Variants in PHACTR1 observed in about 807,000 individuals in gnomAD.
The protein encoded by PHACTR1 is phosphatase and actin regulator 1.
A neutral mutation model predicts 69.2 loss-of-function variants in PHACTR1; 16 were observed. The ratio of observed to expected loss-of-function variants is 0.23; its 90% confidence interval spans 0.16 to 0.35. The LOEUF (loss-of-function observed/expected upper bound fraction) is 0.35, where lower values mean the gene tolerates loss of function less well. Among genes scored for constraint, PHACTR1 ranks in the 10% least tolerant of loss-of-function variants. The probability of loss-of-function intolerance (pLI) is 1.00; values close to 1 mark genes in which losing one functional copy is unlikely to be tolerated. For missense variants in PHACTR1, 510 were observed against 734.7 expected, an observed-to-expected ratio of 0.69 and a Z score of 3.54; for synonymous variants, 312 against 284.5, an observed-to-expected ratio of 1.10 and a Z score of -0.97.
chr6:12,717,237 C>G (rs895533478), intron 1 of PHACTR1, among the ~76,000 whole-genome samples: 27 of 152,050 alleles, frequency 1.8e-4, no homozygotes, highest in African/African-American at 6.0e-4. Flanking sequence ...ACTGGTGCCC[C>G]CACAAAAATT....
intron 3 of PHACTR1, among the ~76,000 whole-genome samples, chr6:12,742,028 G>A (rs1197049665): frequency 1.3e-5 from 2 of 151,930 alleles, no homozygotes; most frequent in Non-Finnish European, 2.9e-5. Context: ...ATTATAAATG[G>A]TACTTTAAAT....
intron 4 of PHACTR1, among the ~76,000 whole-genome samples, chr6:12,906,839 T>C (rs1785787703): frequency 6.6e-6 from 1 of 152,304 alleles, no homozygotes; most frequent in Admixed American, 6.5e-5. Context: ...TCTGGATCAA[T>C]GATTACATTT....
chr6:13,013,751 A>ACCCGC (rs1438696610), intron 4 of PHACTR1, among the ~76,000 whole-genome samples: 4 of 148,774 alleles, frequency 2.7e-5, no homozygotes, highest in African/African-American at 9.8e-5. Flanking sequence ...GCCCTCCCCG[A>ACCCGC]CCCGCCCCGC....
chr6:12,797,812 T>G (rs1409014948), intron 4 of PHACTR1, among the ~76,000 whole-genome samples: 1 of 152,146 alleles, frequency 6.6e-6, no homozygotes, highest in Non-Finnish European at 1.5e-5. Context: ...GAACACTTCT[T>G]CCTTGGATGA....
intron 7 of PHACTR1, among the ~76,000 whole-genome samples, chr6:13,200,693 G>C (rs1306117468): frequency 6.6e-6 from 1 of 151,580 alleles, no homozygotes; most frequent in East Asian, 1.9e-4. Flanking sequence ...ACCCACTTTG[G>C]GAGGCCGGGG....
chr6:12,930,701 A>G (rs1258732784), intron 4 of PHACTR1, among the ~76,000 whole-genome samples: 2 of 152,178 alleles, frequency 1.3e-5, no homozygotes, highest in Non-Finnish European at 2.9e-5. Flanking sequence ...CATGAATCTA[A>G]AAGGGTGTAT....
chr6:12,817,886 C>T (rs542761266), intron 4 of PHACTR1, among the ~76,000 whole-genome samples: 21 of 151,146 alleles, frequency 1.4e-4, no homozygotes, highest in African/African-American at 4.6e-4. Flanking sequence ...TGCAGTGGCA[C>T]GATCTCGGCT....
chr6:13,168,337 G>T (rs1238289955), intron 6 of PHACTR1, among the ~76,000 whole-genome samples: 1 of 152,194 alleles, frequency 6.6e-6, no homozygotes, highest in Non-Finnish European at 1.5e-5. Context: ...AAGAGCAATT[G>T]TGATAACAAT....
chr6:12,872,279 A>G (rs772162083), intron 4 of PHACTR1, among the ~76,000 whole-genome samples: 24 of 152,206 alleles, frequency 1.6e-4, no homozygotes, highest in Non-Finnish European at 2.8e-4. Flanking sequence ...TAAATACCCT[A>G]ACTAAAAACT....
intron 13 of PHACTR1, 59 bp from the exon 14 acceptor site, chr6:13,286,087 A>G (rs2127499772): frequency 1.4e-6 from 2 of 1,403,084 alleles, no homozygotes; most frequent in African/African-American, 1.5e-5. Context: ...ATGAACTGAA[A>G]GGGGAGTTTT....
In PHACTR1 at chr6:13,078,921, G is replaced by T. The variant is rs182870122; in HGVS notation, c.415+25392G>T. On this transcript the variant is annotated intron_variant, in intron 5 of 14. Coordinates refer to ENST00000332995, the MANE Select transcript of PHACTR1 (RefSeq NM_030948.6). ...CCACATTCAGTTCCTATTAGGAATA[G>T]ATCTGTGCCCATTTTGCTGTTTGGG... is the stretch of plus-strand genomic sequence containing the variant. 1.1e-4 allele frequency among the ~76,000 whole-genome samples: 16 copies of T among 152,320 alleles called. 1 individual carries two copies. Among genetic ancestry groups the T allele is most frequent in the Admixed American group, 7.8e-4 (12 of 15,298 alleles).
intron 4 of PHACTR1, among the ~76,000 whole-genome samples, chr6:13,016,992 G>T (rs1281260929): frequency 2.0e-5 from 3 of 152,108 alleles, no homozygotes; most frequent in African/African-American, 4.8e-5. Context: ...TTTGAGACCA[G>T]CATGGCCCAC....
intron 4 of PHACTR1, among the ~76,000 whole-genome samples, chr6:13,044,619 C>G (rs577488988): frequency 6.6e-6 from 1 of 152,240 alleles, no homozygotes; most frequent in Admixed American, 6.5e-5. Flanking sequence ...AGGAGTGACT[C>G]TCCAGAGGAG....
chr6:12,978,879 C>G (rs1452589063), intron 4 of PHACTR1, among the ~76,000 whole-genome samples: 1 of 152,160 alleles, frequency 6.6e-6, no homozygotes, highest in Non-Finnish European at 1.5e-5. Flanking sequence ...GTTTGACCAC[C>G]AGGATCATTA....
chr6:13,060,396 A>G (rs1487810965), intron 5 of PHACTR1, among the ~76,000 whole-genome samples: 1 of 152,156 alleles, frequency 6.6e-6, no homozygotes, highest in Non-Finnish European at 1.5e-5. Context: ...ATGTGTGTCT[A>G]TAGGGGGTTG....
At chr6:12,740,379 T>C (rs1159834420) in intron 3 of PHACTR1, among the ~76,000 whole-genome samples, 1 of 152,192 alleles carries the variant, frequency 6.6e-6, no homozygotes, top group African/African-American at 2.4e-5. Flanking sequence ...ATTGCATGGA[T>C]GCTCCAGTTC....
chr6:13,092,003 T>C (rs1404616190), intron 5 of PHACTR1, among the ~76,000 whole-genome samples: 1 of 152,146 alleles, frequency 6.6e-6, no homozygotes, highest in African/African-American at 2.4e-5. Context: ...TTTCACTGTG[T>C]TAGCCAGGAC....
chr6:12,946,499 T>C (rs1382674042), intron 4 of PHACTR1, among the ~76,000 whole-genome samples: 2 of 151,932 alleles, frequency 1.3e-5, no homozygotes, highest in African/African-American at 2.4e-5. Flanking sequence ...AGGATGTGAA[T>C]TGGGAAAATT....
At position 12,836,632 on chromosome 6, in the gene PHACTR1, A is replaced by G. The variant is rs189576612; in HGVS notation, c.250+86842A>G. Among the ~76,000 whole-genome samples, 1,012 of 152,294 alleles carry G rather than the reference A, an allele frequency of 6.6e-3. 16 individuals carry two copies. The highest frequency in any genetic ancestry group is 0.011 in the Non-Finnish European group (771 of 68,012). Reference sequence around the variant, plus strand: ...GAAGAGAGAAAGAAAAAATAAAAATAACCTAAGCCTGCAGCACATTCAGCA... The same window carrying G: ...GAAGAGAGAAAGAAAAAATAAAAATGACCTAAGCCTGCAGCACATTCAGCA... On this transcript the variant is annotated intron_variant, in intron 4 of 14. Transcript: ENST00000332995.
Sources: gnomAD v4.1 joint callset for allele counts (sites outside exome capture counted in the v4.1 genomes callset) on GRCh38, gnomAD v4.1.1 for gene constraint, MANE v1.5 for transcripts, NCBI Gene and HGNC (gene_info 2026-07-23, HGNC 2026-07-21) for gene names.